TRAPPC9: variants seen among roughly 807,000 people sequenced by gnomAD.
TRAPPC9 encodes trafficking protein particle complex subunit 9, also known as IKK2 binding protein.
In TRAPPC9, 83 loss-of-function variants were observed where a neutral mutation model predicts 124.0. The observed-to-expected ratio is 0.67, with a 90% CI of 0.56 to 0.80. The LOEUF (loss-of-function observed/expected upper bound fraction) is 0.80, where lower values mean the gene tolerates loss of function less well. Among genes scored for constraint, TRAPPC9 ranks in the 30% least tolerant of loss-of-function variants. TRAPPC9 has a pLI of 0.00. For synonymous variants in TRAPPC9, 638 were observed against 617.5 expected (o/e 1.03, Z -0.49); for missense variants, 1,302 against 1,508.3 (o/e 0.86, Z 2.27).
At chr8:139,815,393 C>CTT (rs33934110) in intron 21 of TRAPPC9, among the ~76,000 whole-genome samples, 53,196 of 145,432 alleles carry the variant, frequency 0.37, 10,767 homozygotes, top group East Asian at 0.57. Context: ...GCATTCATAA[C>CTT]TTTTTTTTTT....
chr8:140,301,868 G>A (rs2065988618), intron 10 of TRAPPC9, among the ~76,000 whole-genome samples: 1 of 152,134 alleles, frequency 6.6e-6, no homozygotes, highest in African/African-American at 2.4e-5. Context: ...TTGAGAAGGT[G>A]GAGCACCAGA....
At chr8:140,422,058 A>G (rs1398043618) in intron 5 of TRAPPC9, among the ~76,000 whole-genome samples, 2 of 152,114 alleles carry the variant, frequency 1.3e-5, no homozygotes, top group East Asian at 3.9e-4. Flanking sequence ...GATTCCCTAA[A>G]AAAAGCAATA....
chr8:139,844,740 T>C (rs571185242), intron 21 of TRAPPC9, among the ~76,000 whole-genome samples: 1 of 152,142 alleles, frequency 6.6e-6, no homozygotes, highest in Admixed American at 6.5e-5. Context: ...AATAGAATTG[T>C]TTTTCATTTT....
intron 9 of TRAPPC9, among the ~76,000 whole-genome samples, chr8:140,340,202 G>A (rs1022509154): frequency 6.6e-6 from 1 of 152,178 alleles, no homozygotes; most frequent in Non-Finnish European, 1.5e-5. Context: ...GTCAGAGTCA[G>A]ACACAGTCAA....
At position 139,776,522 on chromosome 8, in the gene TRAPPC9, C is replaced by T. The variant is rs1367501879; in HGVS notation, c.3056-44320G>A. 6.6e-6 allele frequency among the ~76,000 whole-genome samples: 1 copy of T among 152,196 alleles called. No homozygotes were observed. Among genetic ancestry groups the T allele is most frequent in the Non-Finnish European group, 1.5e-5 (1 of 68,032 alleles). On this transcript the variant is annotated intron_variant, in intron 21 of 22. Coordinates refer to ENST00000438773, the MANE Select transcript of TRAPPC9 (RefSeq NM_001160372.4). This position sits in a 1 kb window ranked among gnomAD's most constrained non-coding sequence, Gnocchi z 4.1. ...CATTCGGCAAACGGGAGCTTCATCG[C>T]AATAGCGACTGCCTAATTAGGAAGG...
intron 17 of TRAPPC9, among the ~76,000 whole-genome samples, chr8:140,083,467 C>T (rs753100789): frequency 4.6e-5 from 7 of 152,022 alleles, no homozygotes; most frequent in Non-Finnish European, 1.0e-4. Flanking sequence ...AGCGCAGAAA[C>T]GCACACGCAA....
At chr8:139,958,550 C>T (rs1428644849) in intron 19 of TRAPPC9, among the ~76,000 whole-genome samples, 1 of 152,166 alleles carries the variant, frequency 6.6e-6, no homozygotes, top group Non-Finnish European at 1.5e-5. Flanking sequence ...CTGCACTCAG[C>T]ACAGAGCCAT....
intron 9 of TRAPPC9, among the ~76,000 whole-genome samples, chr8:140,338,678 T>C (rs966505325): frequency 6.6e-6 from 1 of 152,112 alleles, no homozygotes; most frequent in Non-Finnish European, 1.5e-5. Context: ...GGAAAGACCA[T>C]GTGGAGACCT....
intron 14 of TRAPPC9, among the ~76,000 whole-genome samples, chr8:140,281,830 G>A (rs185525220): frequency 6.8e-4 from 103 of 152,140 alleles, no homozygotes; most frequent in African/African-American, 2.4e-3. Context: ...TTCCTCTGTT[G>A]AAGACCGCCC....
At position 140,164,834 on chromosome 8, in the gene TRAPPC9, C is replaced by T. The variant is rs114333481; in HGVS notation, c.2556+56625G>A. Among the ~76,000 whole-genome samples the T allele has an allele frequency of 5.3e-3, 805 of 152,286 alleles. 5 individuals carry two copies. Among genetic ancestry groups the T allele is most frequent in the African/African-American group, 0.019 (771 of 41,556 alleles). On this transcript the variant is annotated intron_variant, in intron 17 of 22. Transcript: ENST00000438773. ...GTGTCCATTTTATCACCTGAATGTC[C>T]CCCGTATACAGCCTCTCCTGCCCAT...
intron 17 of TRAPPC9, among the ~76,000 whole-genome samples, chr8:140,109,751 A>T (rs1259247071): frequency 6.6e-6 from 1 of 152,062 alleles, no homozygotes; most frequent in Non-Finnish European, 1.5e-5. Context: ...TCCTTTCCTC[A>T]TTTGCCAACC....
chr8:140,090,060 C>T (rs1221800764), intron 17 of TRAPPC9, among the ~76,000 whole-genome samples: 1 of 152,014 alleles, frequency 6.6e-6, no homozygotes, highest in African/African-American at 2.4e-5. Context: ...AGCCTGGCGA[C>T]AGAGCGAGAC....
intron 17 of TRAPPC9, among the ~76,000 whole-genome samples, chr8:140,070,852 T>C (rs533903177): frequency 6.6e-6 from 1 of 152,282 alleles, no homozygotes; most frequent in South Asian, 2.1e-4. Flanking sequence ...CAGGCAGCTG[T>C]GGGTGCCAGC....
In TRAPPC9 at chr8:140,375,956, G is replaced by A. The variant is rs543174965; in HGVS notation, c.1135-4776C>T. 3.3e-5 allele frequency among the ~76,000 whole-genome samples: 5 copies of A among 152,184 alleles called. No homozygotes were observed. In the South Asian group the frequency reaches 8.3e-4, roughly 25 times the overall value. ...GAAAACACACTCTGCTCCTCTCTCC[G>A]GCTATTTCCAGCCATAATTACATGG... On this transcript the variant is annotated intron_variant, in intron 7 of 22. Coordinates refer to ENST00000438773, the MANE Select transcript of TRAPPC9 (RefSeq NM_001160372.4).
intron 17 of TRAPPC9, among the ~76,000 whole-genome samples, chr8:140,054,285 G>A (rs1184192296): frequency 1.3e-5 from 2 of 152,130 alleles, no homozygotes; most frequent in Non-Finnish European, 2.9e-5. Flanking sequence ...ACATCCATGT[G>A]ACAAACCTGC....
chr8:140,017,647 A>C (rs1426267328), intron 18 of TRAPPC9, among the ~76,000 whole-genome samples: 1 of 152,214 alleles, frequency 6.6e-6, no homozygotes, highest in African/African-American at 2.4e-5. Flanking sequence ...TCTTAAAATC[A>C]TACAGTGTAA....
At chr8:140,304,482 G>A (rs993450471) in intron 10 of TRAPPC9, among the ~76,000 whole-genome samples, 39 of 152,048 alleles carry the variant, frequency 2.6e-4, no homozygotes, top group African/African-American at 9.4e-4. Context: ...AGACAGTCCC[G>A]GATTTGTTTC....
intron 17 of TRAPPC9, among the ~76,000 whole-genome samples, chr8:140,148,039 G>A (rs2061488309): frequency 6.6e-6 from 1 of 152,222 alleles, no homozygotes; most frequent in Non-Finnish European, 1.5e-5. Flanking sequence ...GGCCCCGGGG[G>A]CACAGCAGTG....
rs1384501483 is a variant in TRAPPC9, at chr8:139,730,953, G to A, written c.*108C>T. 2.4e-6 allele frequency: 3 copies of A among 1,254,294 alleles called. No homozygotes were observed. The highest frequency in any genetic ancestry group is 2.5e-5 in the East Asian group (1 of 40,302). 77.7% of individuals were successfully genotyped at this position (1,254,294 alleles called of 1,614,324 possible). On this transcript the variant is annotated 3_prime_UTR_variant, in exon 23 of 23. Coordinates refer to ENST00000438773, the MANE Select transcript of TRAPPC9 (RefSeq NM_001160372.4). Reference sequence around the variant, plus strand: ...AGAGGGCTGGGAGGGGTCTGGGGGAGGAGGAGGAGATGGGGCTGCAGTGAA... The same window carrying A: ...AGAGGGCTGGGAGGGGTCTGGGGGAAGAGGAGGAGATGGGGCTGCAGTGAA...
Sources: gnomAD v4.1 joint callset for allele counts (sites outside exome capture counted in the v4.1 genomes callset) on GRCh38, gnomAD v4.1.1 for gene constraint, Gnocchi (gnomAD v3.1) non-coding constraint, MANE v1.5 for transcripts, NCBI Gene and HGNC (gene_info 2026-07-23, HGNC 2026-07-21) for gene names.